SESN3: variants seen among roughly 807,000 people sequenced by gnomAD.
SESN3 encodes the protein sestrin-3.
Under a neutral mutation model 55.3 loss-of-function variants are expected in SESN3, and 21 were observed. That is an observed-to-expected ratio of 0.38 (90% CI 0.27 to 0.55). SESN3 has a LOEUF of 0.55. Ranked by LOEUF, SESN3 falls within the 20% of genes least tolerant of loss-of-function variation. The pLI, the probability that SESN3 is intolerant of heterozygous loss-of-function variation, is 0.76. For synonymous variants in SESN3, 181 were observed against 203.1 expected (o/e 0.89, Z 0.93); for missense variants, 408 against 604.3 (o/e 0.68, Z 3.41).
chr11:95,171,314 G>T lies in SESN3; in HGVS notation c.*1941C>A, dbSNP rs1244324913. On this transcript the variant is annotated 3_prime_UTR_variant, in exon 10 of 10. Transcript: ENST00000536441. ...ATGGCATATGCAATAAAACAGACGA[G>T]ATATGGCACAAGTTCTCTGAATAAT... The T allele has an allele frequency of 6.6e-6, 1 of 152,084 alleles. No individual in the cohort carries two copies. Among genetic ancestry groups the T allele is most frequent in the Admixed American group, 6.6e-5 (1 of 15,266 alleles). 9.4% of individuals were successfully genotyped at this position (152,084 alleles called of 1,614,324 possible).
rs112879526 is a variant in SESN3 at position 95,172,850 on chromosome 11, A to G, written c.*405T>C. On this transcript the variant is annotated 3_prime_UTR_variant, in exon 10 of 10. Coordinates refer to ENST00000536441, the MANE Select transcript of SESN3 (RefSeq NM_144665.4). ...TCTTTGCTGAATTCCAATATCTGAA[A>G]AACAATTGCTTGAGCAGATTGTAAG... 3 of 158,834 alleles carry G rather than the reference A, an allele frequency of 1.9e-5. No homozygotes were observed. Among genetic ancestry groups the G allele is most frequent in the African/African-American group, 7.2e-5 (3 of 41,788 alleles). 9.8% of individuals were successfully genotyped at this position (158,834 alleles called of 1,614,324 possible). A position where few individuals can be genotyped will look rare whatever the true frequency, so the allele number is the denominator to read the frequency against.
chr11:95,196,613 A>C (rs1248510759), intron 1 of SESN3, among the ~76,000 whole-genome samples: 2 of 152,194 alleles, frequency 1.3e-5, no homozygotes, highest in Non-Finnish European at 2.9e-5. Flanking sequence ...GTTCCCCAAC[A>C]TGGTAAGCAT....
intron 4 of SESN3, among the ~76,000 whole-genome samples, chr11:95,185,880 A>C (rs191880495): frequency 1.3e-3 from 201 of 152,154 alleles, no homozygotes; most frequent in African/African-American, 4.7e-3. Context: ...TCACAAAATC[A>C]CGAAAAACCC....
At chr11:95,178,163 G>A (rs762176676) in intron 7 of SESN3, among the ~76,000 whole-genome samples, 11 of 152,092 alleles carry the variant, frequency 7.2e-5, no homozygotes, top group East Asian at 1.9e-4. Context: ...CAGGTACTAC[G>A]CACACTATCC....
Position 95,230,614 on chromosome 11 carries a change from G to A in SESN3, c.78+169C>T. The stretch of plus-strand genomic sequence containing the variant: ...CCGGCGGAAATAAAAAGCCGCAGTA[G>A]TCCAAACCCTCCTGCCCTCAACCCA... On this transcript the variant is annotated intron_variant, in intron 1 of 9. Coordinates refer to ENST00000536441, the MANE Select transcript of SESN3 (RefSeq NM_144665.4). The surrounding 1 kb of genome is among the most constrained non-coding windows in gnomAD (Gnocchi z 4.6). 1 of 571,200 alleles carries A rather than the reference G, an allele frequency of 1.8e-6. No homozygotes were observed. The highest frequency in any genetic ancestry group is 4.6e-4 in the Middle Eastern group (1 of 2,174). The allele number at this position is 571,200 out of a possible 1,614,324, so 35.4% of individuals were successfully genotyped here.
chr11:95,190,703 A>G (rs887233708), intron 3 of SESN3, among the ~76,000 whole-genome samples: 1 of 152,010 alleles, frequency 6.6e-6, no homozygotes, highest in African/African-American at 2.4e-5. Flanking sequence ...ACTATAAAAA[A>G]GACAATCAAA....
At position 95,227,505 on chromosome 11, in the gene SESN3, T is replaced by A. The variant is rs138316622; in HGVS notation, c.78+3278A>T. ...AGGCGTAAGCCACCATGCCCGGTCCTCAATCTAGTATTTTTCATTTTGACA... is the reference window on the plus strand; with the variant it reads ...AGGCGTAAGCCACCATGCCCGGTCCACAATCTAGTATTTTTCATTTTGACA... On this transcript the variant is annotated intron_variant, in intron 1 of 9. Coordinates refer to ENST00000536441, the MANE Select transcript of SESN3 (RefSeq NM_144665.4). 1.4e-4 allele frequency among the ~76,000 whole-genome samples: 21 copies of A among 152,288 alleles called. No individual in the cohort carries two copies. In the East Asian group the frequency reaches 3.9e-3, roughly 28 times the overall value.
chr11:95,177,769 G>A lies in SESN3; in HGVS notation c.1197C>T (p.Thr399=), dbSNP rs148408576. The part of the protein sequence containing the change: ...TMATHEDVDT[T]MLRRALFNYV... ...AGTTAAATAAAGCTCTGCGCAGCAT[G>A]GTTGTGTCAACATCCTCATGGGTGG... The change falls in exon 8 of 10, where the codon ACC becomes ACT. Residue 399 remains threonine (T), a synonymous_variant. Coordinates refer to ENST00000536441, the MANE Select transcript of SESN3 (RefSeq NM_144665.4). 4.8e-4 allele frequency: 781 copies of A among 1,612,818 alleles called. 5 individuals carry two copies. In the African/African-American group the frequency reaches 9.0e-3, roughly 19 times the overall value.
chr11:95,184,632 C>A, intron 5 of SESN3, 38 bp from the exon 6 acceptor site: 3 of 1,575,534 alleles, frequency 1.9e-6, no homozygotes, highest in Non-Finnish European at 2.6e-6. Context: ...GCTATTCATA[C>A]TAAAAGTGTT....
Position 95,165,936 on chromosome 11 carries a change from T to C in SESN3, c.*7319A>G, listed in dbSNP as rs1859738689. Reference sequence around the variant, plus strand: ...TAATACATACAAAAGCTTTCATGGGTTCTAGAACCTTCTTAACTGCTGATT... The same window carrying C: ...TAATACATACAAAAGCTTTCATGGGCTCTAGAACCTTCTTAACTGCTGATT... On this transcript the variant is annotated 3_prime_UTR_variant, in exon 10 of 10. Transcript: ENST00000536441. 1 of 152,002 alleles carries C rather than the reference T, an allele frequency of 6.6e-6. No individual in the cohort carries two copies. Among genetic ancestry groups the C allele is most frequent in the Admixed American group, 6.6e-5 (1 of 15,254 alleles). The allele number at this position is 152,002 out of a possible 1,614,324, so 9.4% of individuals were successfully genotyped here. A position where few individuals can be genotyped will look rare whatever the true frequency, so the allele number is the denominator to read the frequency against.
At chr11:95,181,750 C>A (rs978005997) in intron 6 of SESN3, among the ~76,000 whole-genome samples, 1 of 152,040 alleles carries the variant, frequency 6.6e-6, no homozygotes, top group Non-Finnish European at 1.5e-5. Context: ...TACATAGAAT[C>A]TGGAATACTT....
At chr11:95,174,580 T>C (rs182473104) in intron 9 of SESN3, among the ~76,000 whole-genome samples, 1 of 152,052 alleles carries the variant, frequency 6.6e-6, no homozygotes, top group East Asian at 1.9e-4. Flanking sequence ...GCCTCCTGGG[T>C]TCAAGCGATT....
intron 1 of SESN3, among the ~76,000 whole-genome samples, chr11:95,215,631 G>A (rs994116849): frequency 1.3e-5 from 2 of 152,072 alleles, no homozygotes; most frequent in Non-Finnish European, 2.9e-5. Context: ...GAATTCAACT[G>A]ACCTTGACAA....
At chr11:95,174,097 A>G (rs1681148401) in intron 9 of SESN3, among the ~76,000 whole-genome samples, 2 of 152,310 alleles carry the variant, frequency 1.3e-5, no homozygotes, top group South Asian at 4.1e-4. Context: ...AGACCCATCA[A>G]GGGGAAATGC....
At chr11:95,209,629 G>C (rs1018184010) in intron 1 of SESN3, among the ~76,000 whole-genome samples, 1 of 151,246 alleles carries the variant, frequency 6.6e-6, no homozygotes, top group African/African-American at 2.4e-5. Context: ...ATTCACAATA[G>C]CAAAGACTTG....
rs764919961 is a variant in SESN3, at chr11:95,230,846, G to A, written c.15C>T (p.Gly5=). 1 of 1,561,874 alleles carries A rather than the reference G, an allele frequency of 6.4e-7. No individual in the cohort carries two copies. MNRG[G]GSPSAAANYL... ...AGTTGGCGGCGGCCGACGGGCTGCC[G>A]CCGCCCCGGTTCATCGTGGCTGCGG... Residue 5 remains glycine, a synonymous_variant, in exon 1 of 10, where the codon GGC becomes GGT. Transcript: ENST00000536441. The surrounding 1 kb of genome is among the most constrained non-coding windows in gnomAD (Gnocchi z 4.6).
In SESN3 at chr11:95,230,881, C is replaced by A; in HGVS notation, c.-21G>T. 3.2e-6 allele frequency: 5 copies of A among 1,543,538 alleles called. No homozygotes were observed. The highest frequency in any genetic ancestry group is 2.0e-5 in the Admixed American group (1 of 50,060). Reference sequence around the variant, plus strand: ...TTCATCGTGGCTGCGGGCGCCGAGGCGAGAGCGGGCGGAGGGCCGGGTCCG... The same window carrying A: ...TTCATCGTGGCTGCGGGCGCCGAGGAGAGAGCGGGCGGAGGGCCGGGTCCG... On this transcript the variant is annotated 5_prime_UTR_variant, in exon 1 of 10. Transcript: ENST00000536441. The surrounding 1 kb of genome is among the most constrained non-coding windows in gnomAD (Gnocchi z 4.6).
rs1293935701 is a variant in SESN3, at chr11:95,170,061, A to G, written c.*3194T>C. 6.6e-6 allele frequency: 1 copy of G among 152,138 alleles called. No individual in the cohort carries two copies. 9.4% of individuals were successfully genotyped at this position (152,138 alleles called of 1,614,324 possible). A position where few individuals can be genotyped will look rare whatever the true frequency, so the allele number is the denominator to read the frequency against. On this transcript the variant is annotated 3_prime_UTR_variant, in exon 10 of 10. Coordinates refer to ENST00000536441, the MANE Select transcript of SESN3 (RefSeq NM_144665.4). ...TTTTAAAAATACCCCAAATGGGACA[A>G]ATTCATACTGGGACTGAGACAATGT...
intron 4 of SESN3, among the ~76,000 whole-genome samples, 184 bp from the exon 5 acceptor site, chr11:95,185,676 T>TAAC (rs1036632441): frequency 2.0e-4 from 31 of 152,092 alleles, no homozygotes; most frequent in African/African-American, 7.0e-4. Flanking sequence ...CTATCATACC[T>TAAC]AACAATATAA....
Sources: gnomAD v4.1 joint callset for allele counts (sites outside exome capture counted in the v4.1 genomes callset) on GRCh38, gnomAD v4.1.1 for gene constraint, Gnocchi (gnomAD v3.1) non-coding constraint, MANE v1.5 for transcripts, NCBI Gene and HGNC (gene_info 2026-07-23, HGNC 2026-07-21) for gene names.